MAL2: variants seen among roughly 807,000 people sequenced by gnomAD.
MAL2 encodes the protein protein MAL2.
In MAL2, 17 loss-of-function variants were observed where a neutral mutation model predicts 18.1. That is an observed-to-expected ratio of 0.94 (90% CI 0.64 to 1.41). MAL2 has a LOEUF of 1.41. Among genes scored for constraint, MAL2 ranks in the 40% most tolerant of loss-of-function variants. MAL2 has a pLI of 0.00. For missense variants in MAL2, 222 were observed against 231.9 expected (o/e 0.96, Z 0.28); for synonymous variants, 102 against 102.3 (o/e 1.00, Z 0.02).
At chr8:119,226,282 T>C (rs1286257692) in intron 2 of MAL2, among the ~76,000 whole-genome samples, 1 of 152,170 alleles carries the variant, frequency 6.6e-6, no homozygotes, top group Non-Finnish European at 1.5e-5. Context: ...GTCTAACATT[T>C]AAGTCTTCAA....
intron 2 of MAL2, among the ~76,000 whole-genome samples, chr8:119,235,242 T>G (rs1196783381): frequency 6.6e-6 from 1 of 151,262 alleles, no homozygotes; most frequent in Non-Finnish European, 1.5e-5. Context: ...AGAAGGGAAG[T>G]TTAGAGAAAA....
intron 2 of MAL2, among the ~76,000 whole-genome samples, chr8:119,229,507 T>A (rs1817668780): frequency 1.3e-5 from 2 of 152,110 alleles, no homozygotes; most frequent in Non-Finnish European, 2.9e-5. Context: ...GAGATGGGCT[T>A]TTGCCATGTT....
chr8:119,209,105 G>A (rs79708987), intron 1 of MAL2: 13,407 of 165,666 alleles, frequency 0.081, 1,719 homozygotes, highest in African/African-American at 0.28. Context: ...AGAGGGCTGA[G>A]GACTTGAACA....
At chr8:119,226,048 T>C (rs1817589201) in intron 2 of MAL2, among the ~76,000 whole-genome samples, 1 of 152,166 alleles carries the variant, frequency 6.6e-6, no homozygotes, top group Non-Finnish European at 1.5e-5. Context: ...TGCAAAAATT[T>C]TCTCCCATTC....
At chr8:119,232,075 AAAAG>A (rs1360095655) in intron 2 of MAL2, among the ~76,000 whole-genome samples, 1 of 151,198 alleles carries the variant, frequency 6.6e-6, no homozygotes, top group Non-Finnish European at 1.5e-5. Flanking sequence ...CACCACAAAA[AAAAG>A]ATAATTTTGG....
intron 1 of MAL2, chr8:119,215,745 G>A (rs1173593610): frequency 6.6e-6 from 1 of 152,214 alleles, no homozygotes; most frequent in East Asian, 1.9e-4. Context: ...AGGGGTAGAG[G>A]CTGGAATGCA....
chr8:119,216,752 T>A (rs1817362414), intron 1 of MAL2, among the ~76,000 whole-genome samples: 1 of 152,194 alleles, frequency 6.6e-6, no homozygotes, highest in Admixed American at 6.5e-5. Context: ...TTATGGGTAG[T>A]TTAGCCAGCC....
At chr8:119,240,870 G>A (rs1329827620) in intron 3 of MAL2, among the ~76,000 whole-genome samples, 14 of 152,018 alleles carry the variant, frequency 9.2e-5, no homozygotes, top group Admixed American at 9.2e-4. Flanking sequence ...TATATTCCTT[G>A]GGGTATTTAT....
intron 1 of MAL2, among the ~76,000 whole-genome samples, chr8:119,217,632 A>T (rs1400171829): frequency 2.0e-5 from 3 of 152,182 alleles, no homozygotes; most frequent in African/African-American, 7.2e-5. Flanking sequence ...CAGAATATGG[A>T]TTCAGATCCA....
intron 1 of MAL2, among the ~76,000 whole-genome samples, chr8:119,213,741 C>A (rs1248964478): frequency 2.0e-5 from 3 of 152,128 alleles, no homozygotes; most frequent in African/African-American, 7.2e-5. Flanking sequence ...ATTGCTTGAA[C>A]CTGGGAGGCA....
rs1156311033 is a variant in MAL2 at position 119,243,997 on chromosome 8, A to G, written c.*509A>G. 1 of 152,292 alleles carries G rather than the reference A, an allele frequency of 6.6e-6. No individual in the cohort carries two copies. The highest frequency in any genetic ancestry group is 2.4e-5 in the African/African-American group (1 of 41,460). 9.4% of individuals were successfully genotyped at this position (152,292 alleles called of 1,614,324 possible). ...GGTCCATACAGTCTCTGTCACAACT[A>G]TTCAGTTCTGCTAGTATAGCGTGAA... On this transcript the variant is annotated 3_prime_UTR_variant, in exon 4 of 4. Transcript: ENST00000614891.
intron 1 of MAL2, among the ~76,000 whole-genome samples, chr8:119,216,005 T>C (rs1043862824): frequency 1.3e-5 from 2 of 152,196 alleles, no homozygotes; most frequent in African/African-American, 4.8e-5. Flanking sequence ...ATAATCTTTT[T>C]TTTTCTAGCT....
At chr8:119,233,103 A>G (rs1265046499) in intron 2 of MAL2, among the ~76,000 whole-genome samples, 1 of 152,206 alleles carries the variant, frequency 6.6e-6, no homozygotes, top group African/African-American at 2.4e-5. Flanking sequence ...AGGTAGAAAT[A>G]AAGATGTTCT....
intron 2 of MAL2, among the ~76,000 whole-genome samples, chr8:119,232,011 TAATAACAGTG>T (rs1817741075): frequency 6.6e-6 from 1 of 152,156 alleles, no homozygotes; most frequent in Non-Finnish European, 1.5e-5. Context: ...CAACTATAGT[TAATAACAGTG>T]TATTATATTC....
intron 2 of MAL2, among the ~76,000 whole-genome samples, chr8:119,222,139 T>C (rs1437612474): frequency 5.3e-5 from 8 of 152,206 alleles, no homozygotes; most frequent in Non-Finnish European, 8.8e-5. Context: ...TATTTAAATA[T>C]GTATTTTTTT....
intron 2 of MAL2, among the ~76,000 whole-genome samples, chr8:119,230,313 T>G (rs141218105): frequency 6.6e-6 from 1 of 151,566 alleles, no homozygotes; most frequent in East Asian, 1.9e-4. Flanking sequence ...GCGAGAAGTG[T>G]GTTGGGAATT....
At chr8:119,219,673 T>C (rs1237407031) in intron 1 of MAL2, among the ~76,000 whole-genome samples, 1 of 152,056 alleles carries the variant, frequency 6.6e-6, no homozygotes, top group East Asian at 1.9e-4. Context: ...ACCTGACTGA[T>C]GGTTAGGAAA....
At chr8:119,210,865 T>G (rs1372125593) in intron 1 of MAL2, among the ~76,000 whole-genome samples, 4 of 152,120 alleles carry the variant, frequency 2.6e-5, no homozygotes, top group African/African-American at 9.7e-5. Context: ...TTTATCTCCT[T>G]TACTTGAATA....
intron 3 of MAL2, among the ~76,000 whole-genome samples, chr8:119,242,663 G>A (rs1355653374): frequency 6.6e-6 from 1 of 152,184 alleles, no homozygotes; most frequent in Non-Finnish European, 1.5e-5. Flanking sequence ...ATGGTCTATA[G>A]GTGAATCTGG....
Sources: allele counts gnomAD v4.1 joint callset (sites outside exome capture counted in the v4.1 genomes callset), GRCh38; gene constraint gnomAD v4.1.1; transcripts MANE v1.5; gene names NCBI Gene and HGNC (gene_info 2026-07-23, HGNC 2026-07-21).